The following FBXO34 variants were observed in gnomAD, a reference collection of about 807,000 sequenced individuals.
The protein encoded by FBXO34 is F-box only protein 34.
FBXO34 carries 12 observed loss-of-function variants against 24.5 expected under a neutral mutation model. The ratio of observed to expected loss-of-function variants is 0.49; its 90% CI spans 0.31 to 0.79. The LOEUF (loss-of-function observed/expected upper bound fraction) is 0.79, where lower values mean the gene tolerates loss of function less well. Among genes scored for constraint, FBXO34 ranks in the 30% least tolerant of loss-of-function variants. The pLI is 0.04. For missense variants in FBXO34, 823 were observed against 857.7 expected (o/e 0.96, Z 0.51); for synonymous variants, 320 against 311.9 (o/e 1.03, Z -0.27).
chr14:55,342,271 G>T (rs1177793001), intron 1 of FBXO34, among the ~76,000 whole-genome samples: 1 of 152,188 alleles, frequency 6.6e-6, no homozygotes, highest in African/African-American at 2.4e-5. Flanking sequence ...GCCGTGAGCA[G>T]TTTTTGAAAA....
At chr14:55,394,173 A>AT in the FBXO34 span, among the ~76,000 whole-genome samples, 1 of 146,058 alleles carries the variant, frequency 6.8e-6, no homozygotes, top group African/African-American at 2.8e-5. Context: ...TGCCCAGCTA[A>AT]TTTTTCTATT....
chr14:55,380,788 C>T, the FBXO34 span: 1 of 727,470 alleles, frequency 1.4e-6, no homozygotes, highest in African/African-American at 1.8e-5. Context: ...CATGATAGCA[C>T]TGTTACGTTT....
downstream of FBXO34, chr14:55,370,011 G>A (rs1884778801): frequency 1.5e-6 from 2 of 1,309,742 alleles, no homozygotes; most frequent in Non-Finnish European, 2.1e-6. Context: ...GCCCTCACCT[G>A]AGGGGATGAG....
the FBXO34 span, chr14:55,435,902 T>G: frequency 9.2e-5 from 145 of 1,584,548 alleles, no homozygotes; most frequent in Non-Finnish European, 1.2e-4. Context: ...CAGATCCAAC[T>G]TACAGGCCAG....
chr14:55,339,784 T>C (rs2140068261), intron 1 of FBXO34, among the ~76,000 whole-genome samples: 1 of 152,340 alleles, frequency 6.6e-6, no homozygotes, highest in South Asian at 2.1e-4. Context: ...ATAAATCTCG[T>C]TTCTTTACAA....
At chr14:55,432,281 T>C in the FBXO34 span, among the ~76,000 whole-genome samples, 2 of 146,952 alleles carry the variant, frequency 1.4e-5, no homozygotes, top group East Asian at 3.9e-4. Context: ...GGCCTGGTGG[T>C]GCATACCTGT....
At chr14:55,348,397 T>TA (rs1263773579) in intron 1 of FBXO34, among the ~76,000 whole-genome samples, 2 of 151,970 alleles carry the variant, frequency 1.3e-5, no homozygotes, top group Non-Finnish European at 2.9e-5. Flanking sequence ...CCTGGCTAAT[T>TA]AAAAAAAAAT....
chr14:55,353,819 A>G (rs1163927019), downstream of FBXO34, among the ~76,000 whole-genome samples: 4 of 152,182 alleles, frequency 2.6e-5, no homozygotes, highest in Admixed American at 1.3e-4. Context: ...GTTCACAACC[A>G]TTGTATTTCC....
the FBXO34 span, chr14:55,437,053 AACAG>A: frequency 6.4e-7 from 1 of 1,558,248 alleles, no homozygotes; most frequent in South Asian, 1.1e-5. Context: ...ACAAAAACAC[AACAG>A]ACAGAACAGC....
chr14:55,337,995 C>A (rs1883842669), intron 1 of FBXO34, among the ~76,000 whole-genome samples: 1 of 150,596 alleles, frequency 6.6e-6, no homozygotes, highest in South Asian at 2.1e-4. Flanking sequence ...AGTTTCTTAA[C>A]TTGCCTCTGA....
Position 55,331,689 on chromosome 14 carries a change from A to G in FBXO34, c.-10-18692A>G, listed in dbSNP as rs185734281. 9.6e-3 allele frequency among the ~76,000 whole-genome samples: 601 copies of G among 62,418 alleles called. 122 individuals are homozygous for G. The highest frequency in any genetic ancestry group is 0.059 in the African/African-American group (261 of 4,416). The allele number at this position is 62,418 out of a possible 152,430, so 40.9% of individuals were successfully genotyped here. On this transcript the variant is annotated intron_variant, in intron 1 of 1. Transcript: ENST00000313833. ...GGTGTGTGTATATATATATATGTGT[A>G]TATATATATATATATGTATATATAT...
rs1419184946 is a variant in FBXO34 at position 55,352,073 on chromosome 14, C to T, written c.1683C>T (p.Thr561=). The change falls in exon 2 of 2, where the codon ACC becomes ACT. Residue 561 remains threonine (T), a synonymous_variant. Transcript: ENST00000313833. ...KKQVSHDFLE[T]RFKIQQLLEP... Reference sequence around the variant, plus strand: ...AGGTGTCGCATGACTTCCTGGAGACCAGGTTTAAAATCCAGCAGCTTTTGG... The same window carrying T: ...AGGTGTCGCATGACTTCCTGGAGACTAGGTTTAAAATCCAGCAGCTTTTGG... 6.2e-7 allele frequency: 1 copy of T among 1,614,080 alleles called. No individual in the cohort carries two copies. The highest frequency in any genetic ancestry group is 2.2e-5 in the East Asian group (1 of 44,878).
At chr14:55,272,689 T>C (rs1213566329) in intron 1 of FBXO34, among the ~76,000 whole-genome samples, 2 of 152,010 alleles carry the variant, frequency 1.3e-5, no homozygotes, top group Non-Finnish European at 2.9e-5. Context: ...AATAATTACC[T>C]GAGGAGTTAA....
At chr14:55,349,058 G>A (rs1347777426) in intron 1 of FBXO34, among the ~76,000 whole-genome samples, 1 of 151,940 alleles carries the variant, frequency 6.6e-6, no homozygotes, top group East Asian at 1.9e-4. Context: ...CAGATCTTTA[G>A]TTTCTAGGTT....
In FBXO34 at chr14:55,352,657, C is replaced by A. The variant is rs1164344427; in HGVS notation, c.*131C>A. 4.7e-5 allele frequency: 35 copies of A among 745,522 alleles called. 1 individual carries two copies. The Admixed American group carries it at 1.2e-3, about 26-fold the overall frequency. 46.2% of individuals were successfully genotyped at this position (745,522 alleles called of 1,614,324 possible). ...TGTACATCATCAGGACTGCATTGCT[C>A]AGGCATTTTCTAAACTCTAAATTTA... On this transcript the variant is annotated 3_prime_UTR_variant, in exon 2 of 2. Transcript: ENST00000313833.
intron 1 of FBXO34, among the ~76,000 whole-genome samples, chr14:55,276,955 C>T (rs1056783808): frequency 2.0e-5 from 3 of 152,136 alleles, no homozygotes; most frequent in African/African-American, 7.2e-5. Flanking sequence ...AAGGGAGAAA[C>T]AAGGCCAGGT....
downstream of FBXO34, chr14:55,370,017 A>C: frequency 7.9e-7 from 1 of 1,262,786 alleles, no homozygotes; most frequent in South Asian, 1.6e-5. Context: ...ACCTGAGGGG[A>C]TGAGGGACGC....
intron 3 of FBXO34, among the ~76,000 whole-genome samples, chr14:55,360,393 C>G (rs1884578195): frequency 6.6e-6 from 1 of 151,994 alleles, no homozygotes; most frequent in Non-Finnish European, 1.5e-5. Context: ...CTTTCTTTTG[C>G]TCATCCATAA....
At chr14:55,381,299 C>G in the FBXO34 span, among the ~76,000 whole-genome samples, 2 of 152,178 alleles carry the variant, frequency 1.3e-5, no homozygotes, top group African/African-American at 2.4e-5. Context: ...CTTTCTCCAC[C>G]AAAGAGAAAC....
Sources: allele counts gnomAD v4.1 joint callset (sites outside exome capture counted in the v4.1 genomes callset), GRCh38; gene constraint gnomAD v4.1.1; transcripts MANE v1.5; gene names NCBI Gene and HGNC (gene_info 2026-07-23, HGNC 2026-07-21).